The following P2RX7 variants were observed in gnomAD, a reference collection of about 807,000 sequenced individuals.
P2RX7 encodes purinergic receptor P2X 7.
P2RX7 carries 62 observed loss-of-function variants against 71.6 expected under a neutral mutation model. The ratio of observed to expected loss-of-function variants is 0.87; its 90% CI spans 0.71 to 1.07. P2RX7 has a LOEUF of 1.07. Ranked by LOEUF, P2RX7 falls within the 50% of genes least tolerant of loss-of-function variation. P2RX7 has a pLI of 0.00. For synonymous variants in P2RX7, 299 were observed against 283.3 expected (o/e 1.06, Z -0.56); for missense variants, 686 against 748.5 (o/e 0.92, Z 0.97).
chr12:121,151,081 C>A (rs939453495), intron 1 of P2RX7, among the ~76,000 whole-genome samples: 3 of 151,926 alleles, frequency 2.0e-5, no homozygotes, highest in Admixed American at 2.0e-4. Flanking sequence ...ATCCTGCAGC[C>A]AGGCACAGTG....
In P2RX7 at chr12:121,154,155, T is replaced by G. The variant is rs1056158879; in HGVS notation, c.126-630T>G. On this transcript the variant is annotated intron_variant, in intron 1 of 12. Coordinates refer to ENST00000328963, the MANE Select transcript of P2RX7 (RefSeq NM_002562.6). The surrounding 1 kb of genome is among the most constrained non-coding windows in gnomAD (Gnocchi z 4.2). ...AAAAAAAAAGAGAGGCTGGGCGCAG[T>G]GGCTCACACCTGTAATCCCAGCTAC... 2.0e-5 allele frequency among the ~76,000 whole-genome samples: 3 copies of G among 151,684 alleles called. No homozygotes were observed. The highest frequency in any genetic ancestry group is 4.4e-5 in the Non-Finnish European group (3 of 67,940).
rs568070095 is a variant in P2RX7 at position 121,139,693 on chromosome 12, C to T, written c.125+6598C>T. Among the ~76,000 whole-genome samples, 14 of 151,508 alleles carry T rather than the reference C, an allele frequency of 9.2e-5. 1 individual carries two copies. The South Asian group carries it at 2.3e-3, about 25-fold the overall frequency. On this transcript the variant is annotated intron_variant, in intron 1 of 12. Transcript: ENST00000328963. ...GCCCCAGACGCCAGGAGGAGCAAAT[C>T]CAAATCCAACCCAAGCATGGCCCCT...
chr12:121,160,542 C>A (rs1188171719), intron 3 of P2RX7, among the ~76,000 whole-genome samples: 1 of 152,166 alleles, frequency 6.6e-6, no homozygotes, highest in African/African-American at 2.4e-5. Flanking sequence ...CCACAGTCTA[C>A]TTTCTGTCTC....
intron 7 of P2RX7, 129 bp downstream of exon 7, chr12:121,166,316 A>G (rs1331175191): frequency 1.0e-6 from 1 of 990,244 alleles, no homozygotes; most frequent in East Asian, 2.5e-5. Flanking sequence ...TAGTAAATCC[A>G]CCCGCTACGC....
chr12:121,160,100 TC>T (rs1191305444), intron 3 of P2RX7, among the ~76,000 whole-genome samples: 3 of 151,838 alleles, frequency 2.0e-5, no homozygotes, highest in African/African-American at 7.3e-5. Flanking sequence ...CTTCTTTCTT[TC>T]TTTTTTTTTC....
At chr12:121,160,536 A>C (rs1443602889) in intron 3 of P2RX7, among the ~76,000 whole-genome samples, 1 of 152,158 alleles carries the variant, frequency 6.6e-6, no homozygotes, top group African/African-American at 2.4e-5. Context: ...CCCTGGCCAC[A>C]GTCTACTTTC....
chr12:121,136,017 A>AT (rs1291059464), intron 1 of P2RX7, among the ~76,000 whole-genome samples: 10 of 18,462 alleles, frequency 5.4e-4, no homozygotes, highest in African/African-American at 6.9e-4. Context: ...AAAAAAAAAA[A>AT]AAAAAAATAT....
intron 5 of P2RX7, among the ~76,000 whole-genome samples, chr12:121,164,361 G>A (rs1187153353): frequency 6.6e-6 from 1 of 152,184 alleles, no homozygotes; most frequent in Non-Finnish European, 1.5e-5. Flanking sequence ...CTAAGTTTTA[G>A]GTAAAATACA....
intron 1 of P2RX7, among the ~76,000 whole-genome samples, chr12:121,136,023 A>AAATATATATATAT: frequency 6.6e-5 from 1 of 15,262 alleles, no homozygotes; most frequent in Non-Finnish European, 1.8e-4. Context: ...AAAAAAAAAA[A>AAATATATATATAT]ATATATATAT....
At position 121,132,968 on chromosome 12, in the gene P2RX7, A is replaced by G; in HGVS notation, c.-3A>G. 6.2e-7 allele frequency: 1 copy of G among 1,613,586 alleles called. No individual in the cohort carries two copies. The highest frequency in any genetic ancestry group is 1.1e-5 in the South Asian group (1 of 91,066). On this transcript the variant is annotated 5_prime_UTR_variant, in exon 1 of 13. Coordinates refer to ENST00000328963, the MANE Select transcript of P2RX7 (RefSeq NM_002562.6). ...GCTCCGCGCAGGGAGGGAGGCTGTC[A>G]CCATGCCGGCCTGCTGCAGCTGCAG...
chr12:121,177,615 G>A (rs911124128), intron 11 of P2RX7, among the ~76,000 whole-genome samples, 169 bp downstream of exon 11: 1 of 152,052 alleles, frequency 6.6e-6, no homozygotes, highest in Non-Finnish European at 1.5e-5. Flanking sequence ...TCTTAGAGAA[G>A]AATGGAAACA....
At chr12:121,166,909 G>A (rs367719466) in intron 7 of P2RX7, among the ~76,000 whole-genome samples, 10 of 150,648 alleles carry the variant, frequency 6.6e-5, no homozygotes, top group South Asian at 2.1e-4. Flanking sequence ...AAAAATAGCC[G>A]GGCATGATTG....
At position 121,186,310 on chromosome 12, in the gene P2RX7, A is replaced by T. The variant is rs1268845125; in HGVS notation, c.*1508A>T. ...ACCACATTGCTATCTTAAGTCCCTA[A>T]GTTTGGGGCTTATTTGTTCCACAGC... On this transcript the variant is annotated 3_prime_UTR_variant, in exon 13 of 13. Coordinates refer to ENST00000328963, the MANE Select transcript of P2RX7 (RefSeq NM_002562.6). The T allele has an allele frequency of 6.6e-6, 1 of 152,202 alleles. No individual in the cohort carries two copies. The highest frequency in any genetic ancestry group is 1.9e-4 in the East Asian group (1 of 5,196). The allele number at this position is 152,202 out of a possible 1,614,324, so 9.4% of individuals were successfully genotyped here. A position where few individuals can be genotyped will look rare whatever the true frequency, so the allele number is the denominator to read the frequency against.
intron 3 of P2RX7, among the ~76,000 whole-genome samples, chr12:121,157,199 C>T (rs1246842871): frequency 1.3e-5 from 2 of 152,156 alleles, no homozygotes; most frequent in African/African-American, 2.4e-5. Flanking sequence ...GTTGCAGCAG[C>T]GCTGGTGATA....
intron 2 of P2RX7, chr12:121,155,433 T>C (rs1878379567): frequency 1.6e-6 from 2 of 1,246,480 alleles, no homozygotes; most frequent in Admixed American, 2.3e-5. Flanking sequence ...CATCGGTCAC[T>C]GAGAGAAGGC....
intron 5 of P2RX7, among the ~76,000 whole-genome samples, chr12:121,164,014 G>A (rs1385682646): frequency 7.2e-6 from 1 of 138,638 alleles, no homozygotes; most frequent in African/African-American, 2.7e-5. Context: ...TCTCGGTCAG[G>A]GGCATTTCTT....
At chr12:121,144,578 C>T (rs945774227) in intron 1 of P2RX7, among the ~76,000 whole-genome samples, 1 of 152,160 alleles carries the variant, frequency 6.6e-6, no homozygotes, top group African/African-American at 2.4e-5. Flanking sequence ...AGTCAGTAAG[C>T]AATAGAGCTG....
intron 6 of P2RX7, 141 bp downstream of exon 6, chr12:121,165,578 C>A: frequency 9.9e-6 from 7 of 707,358 alleles, no homozygotes; most frequent in South Asian, 5.2e-5. Flanking sequence ...GACTTTGCTG[C>A]GTGGTTCTGG....
intron 1 of P2RX7, among the ~76,000 whole-genome samples, chr12:121,141,779 T>C (rs1244500170): frequency 2.0e-5 from 3 of 152,186 alleles, no homozygotes; most frequent in African/African-American, 7.2e-5. Flanking sequence ...TACATAATCC[T>C]GGAAGATTGG....
Sources: allele counts gnomAD v4.1 joint callset (sites outside exome capture counted in the v4.1 genomes callset), GRCh38; gene constraint gnomAD v4.1.1; non-coding constraint Gnocchi (gnomAD v3.1); transcripts MANE v1.5; gene names NCBI Gene and HGNC (gene_info 2026-07-23, HGNC 2026-07-21).